RMDN2: variants seen among roughly 807,000 people sequenced by gnomAD.
RMDN2 encodes regulator of microtubule dynamics protein 2.
In RMDN2, 61 loss-of-function variants were observed where a neutral mutation model predicts 52.8. That is an observed-to-expected ratio of 1.16 (90% CI 0.94 to 1.43). RMDN2 has a LOEUF of 1.43. Among genes scored for constraint, RMDN2 ranks in the 40% most tolerant of loss-of-function variants. RMDN2 has a pLI of 0.00. For synonymous variants in RMDN2, 180 were observed against 153.1 expected (o/e 1.18, Z -1.30); for missense variants, 592 against 475.3 (o/e 1.25, Z -2.28).
downstream of RMDN2, among the ~76,000 whole-genome samples, chr2:38,021,996 C>G (rs1328373530): frequency 1.3e-5 from 2 of 152,176 alleles, no homozygotes; most frequent in Non-Finnish European, 2.9e-5. Context: ...GGGAGGTGTT[C>G]TTCTTTCCAT....
At chr2:37,947,554 A>G (rs1224641380) in intron 2 of RMDN2, among the ~76,000 whole-genome samples, 3 of 152,206 alleles carry the variant, frequency 2.0e-5, no homozygotes, top group African/African-American at 7.2e-5. Context: ...TAATGTTGTA[A>G]TGAAAGGAAA....
chr2:38,017,296 C>T lies in RMDN2; in HGVS notation c.*57C>T. 2 of 1,468,398 alleles carry T rather than the reference C, an allele frequency of 1.4e-6. No individual in the cohort carries two copies. Among genetic ancestry groups the T allele is most frequent in the Non-Finnish European group, 1.8e-6 (2 of 1,105,742 alleles). 91.0% of individuals were successfully genotyped at this position (1,468,398 alleles called of 1,614,324 possible). ...GTGGTCTACCAAAATTTAAATGAAT[C>T]AAAGTTGTGCTTTTATTATCCTTCA... On this transcript the variant is annotated 3_prime_UTR_variant, in exon 11 of 11. Coordinates refer to ENST00000354545, the MANE Select transcript of RMDN2 (RefSeq NM_001170791.3).
intron 10 of RMDN2, among the ~76,000 whole-genome samples, chr2:38,048,870 G>A (rs1681428096): frequency 6.6e-6 from 1 of 152,220 alleles, no homozygotes; most frequent in Non-Finnish European, 1.5e-5. Flanking sequence ...TGAGTTCCAT[G>A]TGCAGTTGCA....
intron 2 of RMDN2, among the ~76,000 whole-genome samples, chr2:37,961,028 C>A (rs970505813): frequency 6.6e-6 from 1 of 152,154 alleles, no homozygotes; most frequent in Non-Finnish European, 1.5e-5. Context: ...CCACTCTTTT[C>A]TGGCTTGTAG....
intron 10 of RMDN2, among the ~76,000 whole-genome samples, chr2:38,048,340 C>T (rs534632541): frequency 3.3e-5 from 5 of 152,284 alleles, no homozygotes; most frequent in African/African-American, 7.2e-5. Context: ...AGAAGAACAC[C>T]GGCCTTTACT....
chr2:37,934,792 C>G (rs961324171), intron 2 of RMDN2, among the ~76,000 whole-genome samples: 1 of 152,074 alleles, frequency 6.6e-6, no homozygotes. Flanking sequence ...TTTCTGAAAA[C>G]TTTTCAGTTC....
At chr2:38,057,352 T>C (rs1239231273) in intron 10 of RMDN2, among the ~76,000 whole-genome samples, 1 of 152,268 alleles carries the variant, frequency 6.6e-6, no homozygotes, top group Non-Finnish European at 1.5e-5. Context: ...ACTTTATTTA[T>C]GGATACTGAA....
intron 7 of RMDN2, 97 bp downstream of exon 7, chr2:37,991,394 T>C (rs1000722562): frequency 6.4e-6 from 3 of 471,206 alleles, no homozygotes; most frequent in Non-Finnish European, 1.1e-5. Flanking sequence ...ACCCAGTGCC[T>C]ACTTTAGGGA....
chr2:37,981,229 C>A (rs77166427), intron 4 of RMDN2, 54 bp from the exon 5 acceptor site: 1 of 1,060,780 alleles, frequency 9.4e-7, no homozygotes, highest in South Asian at 1.3e-5. Flanking sequence ...TTCAATAATC[C>A]ACCTCCTACC....
chr2:37,952,151 C>G, intron 2 of RMDN2: 1 of 1,613,172 alleles, frequency 6.2e-7, no homozygotes, highest in Non-Finnish European at 8.5e-7. Flanking sequence ...ACTTTGCTGT[C>G]TTGTTTCAAG....
intron 10 of RMDN2, among the ~76,000 whole-genome samples, chr2:38,053,756 A>G (rs1681730688): frequency 1.3e-5 from 2 of 152,198 alleles, no homozygotes; most frequent in Admixed American, 1.3e-4. Context: ...GCTGCATATT[A>G]GCATTTACTG....
At position 37,961,332 on chromosome 2, in the gene RMDN2, A is replaced by G. The variant is rs138982036; in HGVS notation, c.453-12708A>G. ...TATCACTTTCAGGTACACCAATCAA[A>G]CGTAGGTTTGGTCTTTTCACATAGT... On this transcript the variant is annotated intron_variant, in intron 2 of 10. Transcript: ENST00000354545. Among the ~76,000 whole-genome samples the G allele has an allele frequency of 2.1e-3, 326 of 151,976 alleles. 2 individuals carry two copies. The highest frequency in any genetic ancestry group is 7.6e-3 in the African/African-American group (313 of 41,428).
intron 10 of RMDN2, among the ~76,000 whole-genome samples, chr2:38,048,809 C>T (rs1298651323): frequency 2.0e-5 from 3 of 152,204 alleles, no homozygotes; most frequent in Non-Finnish European, 4.4e-5. Context: ...ATTATTAGCA[C>T]TGTCGCAACT....
intron 10 of RMDN2, among the ~76,000 whole-genome samples, chr2:38,025,274 T>C (rs895463112): frequency 1.3e-5 from 2 of 152,118 alleles, no homozygotes; most frequent in African/African-American, 4.8e-5. Context: ...TTATATATTA[T>C]ATTTTCAATT....
chr2:38,033,200 A>C (rs539928181), intron 10 of RMDN2: 11 of 152,338 alleles, frequency 7.2e-5, no homozygotes, highest in African/African-American at 2.6e-4. Context: ...GTGACACCAA[A>C]TTTGAAAATT....
intron 10 of RMDN2, among the ~76,000 whole-genome samples, chr2:38,062,772 C>CA (rs1452705704): frequency 1.7e-5 from 2 of 118,170 alleles, no homozygotes; most frequent in African/African-American, 2.6e-5. Context: ...CCCCCCTTCC[C>CA]CCCCCCCACA....
intron 10 of RMDN2, among the ~76,000 whole-genome samples, chr2:38,062,863 C>A (rs1039921464): frequency 3.5e-5 from 5 of 144,202 alleles, no homozygotes; most frequent in Non-Finnish European, 6.0e-5. Context: ...TGAGAACATG[C>A]GGTGTTTGGT....
At chr2:38,019,610 T>A (rs1479172034), downstream of RMDN2, among the ~76,000 whole-genome samples, 2 of 152,196 alleles carry the variant, frequency 1.3e-5, no homozygotes, top group Non-Finnish European at 2.9e-5. Context: ...GAGCATTAAC[T>A]CCCTGCTGTA....
intron 2 of RMDN2, among the ~76,000 whole-genome samples, chr2:37,946,635 A>G (rs903588100): frequency 4.6e-5 from 7 of 152,204 alleles, no homozygotes; most frequent in Non-Finnish European, 8.8e-5. Context: ...AACTAGAAAC[A>G]TGAATAAGGA....
Sources: allele counts gnomAD v4.1 joint callset (sites outside exome capture counted in the v4.1 genomes callset), GRCh38; gene constraint gnomAD v4.1.1; transcripts MANE v1.5; gene names NCBI Gene and HGNC (gene_info 2026-07-23, HGNC 2026-07-21).